The following PODXL variants were observed in gnomAD, a reference collection of about 807,000 sequenced individuals.
PODXL encodes podocalyxin.
In PODXL, 20 loss-of-function variants were observed where a neutral mutation model predicts 48.9. That is an observed-to-expected ratio of 0.41 (90% CI 0.29 to 0.59). The LOEUF is 0.59. Among genes scored for constraint, PODXL ranks in the 20% least tolerant of loss-of-function variants. The pLI is 0.31. For synonymous variants in PODXL, 295 were observed against 287.4 expected (o/e 1.03, Z -0.27); for missense variants, 606 against 675.1 (o/e 0.90, Z 1.13).
chr7:131,508,954 G>A lies in PODXL; in HGVS notation c.1098C>T (p.Leu366=), dbSNP rs1359973707. ...QLVLNLTGNT[L]CAGGASDEKL... is the part of the protein sequence containing the mutation. ...CTCAGATCAGCAAGCTACTCACACA[G>A]AGGGTGTTTCCTGTGAGGTTCAGGA... is the stretch of plus-strand genomic sequence containing the variant. Residue 366 remains leucine (L), a synonymous_variant, in exon 5 of 9, where the codon CTC becomes CTT. Transcript: ENST00000378555. 6 of 1,611,280 alleles carry A rather than the reference G, an allele frequency of 3.7e-6. No homozygotes were observed. The highest frequency in any genetic ancestry group is 4.2e-6 in the Non-Finnish European group (5 of 1,177,516).
At chr7:131,539,911 C>T (rs1293053055) in intron 1 of PODXL, among the ~76,000 whole-genome samples, 1 of 152,210 alleles carries the variant, frequency 6.6e-6, no homozygotes, top group Non-Finnish European at 1.5e-5. Flanking sequence ...AGTTTATCCT[C>T]ATGACTGTAA....
At chr7:131,509,188 G>A (rs1423570761) in intron 4 of PODXL, 160 bp from the exon 5 acceptor site, 1 of 822,858 alleles carries the variant, frequency 1.2e-6, no homozygotes, top group East Asian at 2.6e-5. Context: ...TGCGTGGCTT[G>A]AGGGCAGCTC....
chr7:131,547,569 A>G (rs1562918941), intron 1 of PODXL, among the ~76,000 whole-genome samples: 1 of 152,198 alleles, frequency 6.6e-6, no homozygotes, highest in African/African-American at 2.4e-5. Context: ...CTAAAATCCA[A>G]GCCTCTTAAC....
rs192470110 is a variant in PODXL at position 131,542,158 on chromosome 7, A to T, written c.100+14102T>A. Among the ~76,000 whole-genome samples the T allele has an allele frequency of 5.9e-5, 9 of 152,348 alleles. No homozygotes were observed. In the East Asian group the frequency reaches 1.7e-3, roughly 29 times the overall value. ...ATCACACAAGATTGATTCTGAAGTCAGACTTGGGGCTCCAAAAGGGGTGGA... is the reference window on the plus strand; with the variant it reads ...ATCACACAAGATTGATTCTGAAGTCTGACTTGGGGCTCCAAAAGGGGTGGA... On this transcript the variant is annotated intron_variant, in intron 1 of 8. Transcript: ENST00000378555.
In PODXL at chr7:131,500,519, C is replaced by A. The variant is rs1429422196; in HGVS notation, c.*3792G>T. 1.3e-5 allele frequency: 2 copies of A among 152,586 alleles called. No homozygotes were observed. Among genetic ancestry groups the A allele is most frequent in the African/African-American group, 4.8e-5 (2 of 41,454 alleles). 9.5% of individuals were successfully genotyped at this position (152,586 alleles called of 1,614,324 possible). On this transcript the variant is annotated 3_prime_UTR_variant, in exon 9 of 9. Coordinates refer to ENST00000378555, the MANE Select transcript of PODXL (RefSeq NM_001018111.3). ...TCCTCCATGCTGTGTTTGCAGCAGA[C>A]CTGAGGGATCAGCTAGTGACCGTGA...
chr7:131,522,665 C>CAAAAG (rs1397226145), intron 1 of PODXL, among the ~76,000 whole-genome samples: 2 of 152,198 alleles, frequency 1.3e-5, no homozygotes, highest in Non-Finnish European at 2.9e-5. Context: ...AAAGACACAG[C>CAAAAG]AAAAGAAAAG....
intron 1 of PODXL, among the ~76,000 whole-genome samples, chr7:131,522,308 C>T (rs183753877): frequency 6.6e-6 from 1 of 152,222 alleles, no homozygotes; most frequent in Admixed American, 6.5e-5. Flanking sequence ...AAAAATTAGC[C>T]AGGCTTGGTG....
chr7:131,518,205 C>CG (rs1241499036), intron 1 of PODXL, among the ~76,000 whole-genome samples: 2 of 152,164 alleles, frequency 1.3e-5, no homozygotes, highest in Non-Finnish European at 2.9e-5. Context: ...TGTCTTTTTG[C>CG]GGGGGGAATG....
intron 1 of PODXL, 98 bp from the exon 2 acceptor site, chr7:131,511,531 C>A: frequency 7.8e-7 from 1 of 1,282,330 alleles, no homozygotes; most frequent in East Asian, 2.3e-5. Flanking sequence ...TTGCTCGCAG[C>A]CCTGCTGTCT....
intron 1 of PODXL, among the ~76,000 whole-genome samples, chr7:131,538,195 C>T (rs1474392706): frequency 4.6e-5 from 7 of 152,116 alleles, no homozygotes; most frequent in Non-Finnish European, 8.8e-5. Flanking sequence ...GGATGACCCC[C>T]CTACCCCCAG....
Position 131,516,558 on chromosome 7 carries a change from T to C in PODXL, c.101-5125A>G, listed in dbSNP as rs1407725044. On this transcript the variant is annotated intron_variant, in intron 1 of 8. Transcript: ENST00000378555. ...TCTTGGAGAAACAGAGTGTTTATCA[T>C]GTATGTCCTGCTCACTCATGCTCTG... 5.3e-5 allele frequency among the ~76,000 whole-genome samples: 8 copies of C among 152,154 alleles called. No homozygotes were observed. The South Asian group carries it at 1.5e-3, about 28-fold the overall frequency.
At chr7:131,526,992 G>C (rs1049963695) in intron 1 of PODXL, among the ~76,000 whole-genome samples, 1 of 152,078 alleles carries the variant, frequency 6.6e-6, no homozygotes, top group Non-Finnish European at 1.5e-5. Flanking sequence ...ACCCATCTTG[G>C]CCTCCCAAAG....
chr7:131,506,073 C>T, intron 7 of PODXL, 38 bp from the exon 8 acceptor site: 1 of 1,592,026 alleles, frequency 6.3e-7, no homozygotes, highest in South Asian at 1.1e-5. Flanking sequence ...TGGGGGCATC[C>T]TCTCTCCCTC....
At chr7:131,506,977 A>C in intron 5 of PODXL, 1 of 509,942 alleles carries the variant, frequency 2.0e-6, no homozygotes, top group Admixed American at 3.4e-5. Flanking sequence ...TATCTGGTCT[A>C]CGCTTGCACC....
Position 131,541,507 on chromosome 7 carries a change from G to A in PODXL, c.100+14753C>T, listed in dbSNP as rs907978101. Among the ~76,000 whole-genome samples the A allele has an allele frequency of 1.1e-4, 17 of 152,150 alleles. No individual in the cohort carries two copies. In the South Asian group the frequency reaches 3.3e-3, roughly 30 times the overall value. On this transcript the variant is annotated intron_variant, in intron 1 of 8. Coordinates refer to ENST00000378555, the MANE Select transcript of PODXL (RefSeq NM_001018111.3). ...TCAAGACCAGCCTGGTTAACATGGT[G>A]AAACCCCATCTCTACTAAAAATACA...
At chr7:131,555,396 A>G (rs1562921613) in intron 1 of PODXL, among the ~76,000 whole-genome samples, 1 of 152,146 alleles carries the variant, frequency 6.6e-6, no homozygotes, top group Non-Finnish European at 1.5e-5. Flanking sequence ...TGTCCCCCAA[A>G]AGGGAAAGAG....
chr7:131,545,420 T>C (rs776620364), intron 1 of PODXL, among the ~76,000 whole-genome samples: 15 of 152,256 alleles, frequency 9.9e-5, no homozygotes, highest in Admixed American at 6.5e-5. Flanking sequence ...TACGCAGGAC[T>C]GTCTGGGTTT....
chr7:131,533,275 G>A (rs1431295460), intron 1 of PODXL, among the ~76,000 whole-genome samples: 1 of 152,204 alleles, frequency 6.6e-6, no homozygotes, highest in Non-Finnish European at 1.5e-5. Context: ...GCAGCTGTGA[G>A]ACTTGGGGCC....
intron 1 of PODXL, among the ~76,000 whole-genome samples, chr7:131,551,946 A>AC (rs1159995828): frequency 6.6e-6 from 1 of 150,426 alleles, no homozygotes; most frequent in Non-Finnish European, 1.5e-5. Context: ...CAAAAAAAAA[A>AC]AAAACAGTGA....
Sources: allele counts gnomAD v4.1 joint callset (sites outside exome capture counted in the v4.1 genomes callset), GRCh38; gene constraint gnomAD v4.1.1; transcripts MANE v1.5; gene names NCBI Gene and HGNC (gene_info 2026-07-23, HGNC 2026-07-21).